RUFY3: variants seen among roughly 807,000 people sequenced by gnomAD.
RUFY3 encodes RUN and FYVE domain containing 3.
A neutral mutation model predicts 84.0 loss-of-function variants in RUFY3; 34 were observed. The ratio of observed to expected loss-of-function variants is 0.40; its 90% CI spans 0.31 to 0.54. The LOEUF (loss-of-function observed/expected upper bound fraction) is 0.54, where lower values mean the gene tolerates loss of function less well. Ranked by LOEUF, RUFY3 falls within the 20% of genes least tolerant of loss-of-function variation. RUFY3 has a pLI of 0.39. For synonymous variants in RUFY3, 242 were observed against 252.9 expected (o/e 0.96, Z 0.41); for missense variants, 507 against 736.8 (o/e 0.69, Z 3.61).
chr4:70,804,949 C>A (rs1560581570), intron 17 of RUFY3, among the ~76,000 whole-genome samples: 1 of 151,842 alleles, frequency 6.6e-6, no homozygotes, highest in Admixed American at 6.6e-5. Context: ...AATAAACAAA[C>A]AAAAATAATT....
chr4:70,789,465 C>T (rs1470040476), intron 11 of RUFY3, 30 bp from the exon 12 acceptor site: 2 of 1,588,452 alleles, frequency 1.3e-6, no homozygotes. Context: ...TTATGTTATA[C>T]AGGTTGTTTA....
intron 12 of RUFY3, chr4:70,792,084 G>C: frequency 1.0e-6 from 1 of 985,506 alleles, no homozygotes. Context: ...TCCTACTTAG[G>C]CAGTTCAGAG....
At chr4:70,777,577 A>G (rs958590960) in intron 7 of RUFY3, among the ~76,000 whole-genome samples, 1 of 152,220 alleles carries the variant, frequency 6.6e-6, no homozygotes, top group East Asian at 1.9e-4. Flanking sequence ...AACTAATATA[A>G]TGACTTTAAT....
At chr4:70,773,722 C>G in intron 6 of RUFY3, 150 bp downstream of exon 6, 2 of 585,956 alleles carry the variant, frequency 3.4e-6, no homozygotes, top group Non-Finnish European at 6.1e-6. Context: ...CCAGAAATAT[C>G]TGACTATTAC....
intron 1 of RUFY3, among the ~76,000 whole-genome samples, chr4:70,730,253 T>C (rs1166243831): frequency 6.6e-6 from 1 of 152,046 alleles, no homozygotes; most frequent in African/African-American, 2.4e-5. Flanking sequence ...AACCTTCTTT[T>C]AGGGATAAGG....
intron 8 of RUFY3, among the ~76,000 whole-genome samples, chr4:70,782,291 C>A (rs1012899636): frequency 7.4e-6 from 1 of 135,650 alleles, no homozygotes; most frequent in Non-Finnish European, 1.6e-5. Flanking sequence ...TATTTTATTT[C>A]TTTTTTTTTT....
At chr4:70,730,848 C>T (rs537092061) in intron 1 of RUFY3, among the ~76,000 whole-genome samples, 23 of 152,354 alleles carry the variant, frequency 1.5e-4, no homozygotes, top group Non-Finnish European at 2.9e-4. Context: ...CACAACACTC[C>T]TGTCCCAGAA....
intron 6 of RUFY3, 50 bp from the exon 7 acceptor site, chr4:70,775,118 G>T: frequency 7.1e-7 from 1 of 1,409,348 alleles, no homozygotes; most frequent in East Asian, 2.4e-5. Flanking sequence ...TGGGATCTTG[G>T]TATTTCTTAT....
intron 12 of RUFY3, chr4:70,790,005 A>T: frequency 2.1e-6 from 1 of 483,932 alleles, no homozygotes; most frequent in Non-Finnish European, 2.7e-6. Flanking sequence ...GCACTGAGAG[A>T]TAGGTGTCCT....
At chr4:70,786,432 C>T (rs551973998) in intron 10 of RUFY3, among the ~76,000 whole-genome samples, 6 of 150,158 alleles carry the variant, frequency 4.0e-5, no homozygotes, top group African/African-American at 1.5e-4. Context: ...ATATACATAG[C>T]TCTGGGGTTC....
chr4:70,753,544 C>T (rs539745291), intron 1 of RUFY3, among the ~76,000 whole-genome samples: 1 of 152,276 alleles, frequency 6.6e-6, no homozygotes, highest in African/African-American at 2.4e-5. Flanking sequence ...CTTTAATGCA[C>T]ATACAGATTG....
At chr4:70,710,122 G>A (rs1386781014) in intron 1 of RUFY3, among the ~76,000 whole-genome samples, 2 of 152,164 alleles carry the variant, frequency 1.3e-5, no homozygotes, top group Non-Finnish European at 2.9e-5. Flanking sequence ...TCCATTGTAT[G>A]GGGAAGGAGG....
intron 12 of RUFY3, chr4:70,793,505 TA>T: frequency 8.0e-7 from 1 of 1,245,084 alleles, no homozygotes; most frequent in Non-Finnish European, 1.0e-6. Context: ...TTTTATTGTT[TA>T]TCATCTAATG....
intron 1 of RUFY3, among the ~76,000 whole-genome samples, chr4:70,757,776 A>G (rs1231903631): frequency 1.3e-5 from 2 of 152,220 alleles, no homozygotes; most frequent in African/African-American, 4.8e-5. Context: ...CTTTGATGGC[A>G]GGGACTAAGT....
At chr4:70,787,187 A>AAAAAAAAT (rs1553920475) in intron 10 of RUFY3, among the ~76,000 whole-genome samples, 5 of 81,470 alleles carry the variant, frequency 6.1e-5, no homozygotes, top group East Asian at 8.3e-4. Flanking sequence ...AAAAAAAAAA[A>AAAAAAAAT]ATATATATAT....
At chr4:70,722,775 G>C (rs760260584) in intron 1 of RUFY3, 24 bp downstream of exon 1, 4 of 1,602,994 alleles carry the variant, frequency 2.5e-6, no homozygotes, top group Non-Finnish European at 3.4e-6. Context: ...CTGTCCGCTA[G>C]TATTTCACCA....
At chr4:70,797,264 G>A (rs1731642492) in intron 14 of RUFY3, among the ~76,000 whole-genome samples, 1 of 151,932 alleles carries the variant, frequency 6.6e-6, no homozygotes, top group African/African-American at 2.4e-5. Flanking sequence ...TCAAACTGAT[G>A]TCTTATCCTT....
At position 70,725,950 on chromosome 4, in the gene RUFY3, G is replaced by A. The variant is rs1432710379; in HGVS notation, c.178+3199G>A. 2.6e-5 allele frequency among the ~76,000 whole-genome samples: 4 copies of A among 152,204 alleles called. No individual in the cohort carries two copies. In the East Asian group the frequency reaches 7.7e-4, roughly 29 times the overall value. On this transcript the variant is annotated intron_variant, in intron 1 of 17. Coordinates refer to ENST00000381006, the MANE Select transcript of RUFY3 (RefSeq NM_001037442.4). The stretch of plus-strand genomic sequence containing the variant: ...AAATCTTATTCATACTGAAAAGCCT[G>A]CACTTGATTCTGTAGTGAAAAGCTA...
intron 14 of RUFY3, among the ~76,000 whole-genome samples, chr4:70,795,907 A>T (rs1171017336): frequency 1.3e-5 from 2 of 152,194 alleles, no homozygotes; most frequent in Non-Finnish European, 2.9e-5. Flanking sequence ...CATAACTCTC[A>T]CAGAATTGCC....
Sources: gnomAD v4.1 joint callset for allele counts (sites outside exome capture counted in the v4.1 genomes callset) on GRCh38, gnomAD v4.1.1 for gene constraint, MANE v1.5 for transcripts, NCBI Gene and HGNC (gene_info 2026-07-23, HGNC 2026-07-21) for gene names.